SNTG1: variants seen among roughly 807,000 people sequenced by gnomAD.
SNTG1 encodes syntrophin gamma 1.
SNTG1 carries 39 observed loss-of-function variants against 74.7 expected under a neutral mutation model. That is an observed-to-expected ratio of 0.52 (90% CI 0.40 to 0.68). The LOEUF (loss-of-function observed/expected upper bound fraction) is 0.68, where lower values mean the gene tolerates loss of function less well. Among genes scored for constraint, SNTG1 ranks in the 30% least tolerant of loss-of-function variants. The pLI, the probability that SNTG1 is intolerant of heterozygous loss-of-function variation, is 0.00. For missense variants in SNTG1, 685 were observed against 609.5 expected, an observed-to-expected ratio of 1.12 and a Z score of -1.30; for synonymous variants, 254 against 217.1, an observed-to-expected ratio of 1.17 and a Z score of -1.49.
chr8:50,713,550 T>C (rs2095467671), intron 17 of SNTG1, among the ~76,000 whole-genome samples: 1 of 152,222 alleles, frequency 6.6e-6, no homozygotes, highest in Admixed American at 6.5e-5. Flanking sequence ...TAATTGCTTT[T>C]GGTGTTTTAG....
intron 2 of SNTG1, among the ~76,000 whole-genome samples, chr8:50,299,426 GA>G (rs953009567): frequency 1.4e-4 from 22 of 152,220 alleles, no homozygotes; most frequent in African/African-American, 5.1e-4. Flanking sequence ...TGTATCATAA[GA>G]GGGGCATTCA....
chr8:50,603,406 T>C (rs958210499), intron 13 of SNTG1, among the ~76,000 whole-genome samples: 12 of 152,324 alleles, frequency 7.9e-5, no homozygotes, highest in African/African-American at 2.6e-4. Flanking sequence ...GAATTCTAAA[T>C]TCCTTCTCTG....
At chr8:50,584,270 G>A (rs576050745) in intron 12 of SNTG1, among the ~76,000 whole-genome samples, 2 of 78,228 alleles carry the variant, frequency 2.6e-5, no homozygotes, top group East Asian at 8.5e-4. Flanking sequence ...TGATCCTTTG[G>A]GTATATACCC....
At chr8:50,185,968 T>C (rs2131743649) in intron 2 of SNTG1, among the ~76,000 whole-genome samples, 1 of 152,236 alleles carries the variant, frequency 6.6e-6, no homozygotes, top group South Asian at 2.1e-4. Context: ...CCTGCATTCA[T>C]TAAGTATTTG....
At chr8:50,040,424 C>T (rs1032498926) in intron 1 of SNTG1, among the ~76,000 whole-genome samples, 2 of 152,002 alleles carry the variant, frequency 1.3e-5, no homozygotes, top group Non-Finnish European at 2.9e-5. Context: ...TTAAGCATTT[C>T]TAGTCATTGT....
intron 8 of SNTG1, among the ~76,000 whole-genome samples, chr8:50,485,172 T>C (rs1489693757): frequency 6.6e-6 from 1 of 152,092 alleles, no homozygotes; most frequent in Non-Finnish European, 1.5e-5. Flanking sequence ...TGTAGAACCT[T>C]GTGGAAAAAC....
At chr8:50,304,746 CTAA>C (rs1192593319) in intron 2 of SNTG1, among the ~76,000 whole-genome samples, 1 of 152,144 alleles carries the variant, frequency 6.6e-6, no homozygotes, top group Non-Finnish European at 1.5e-5. Flanking sequence ...TATACTCTGT[CTAA>C]TATAGCCATC....
intron 17 of SNTG1, among the ~76,000 whole-genome samples, chr8:50,744,864 T>G (rs976023864): frequency 6.6e-6 from 1 of 151,998 alleles, no homozygotes; most frequent in African/African-American, 2.4e-5. Context: ...AAGGATAAAG[T>G]TAGACCCTGG....
At chr8:50,486,806 T>C (rs547099327) in intron 8 of SNTG1, among the ~76,000 whole-genome samples, 1 of 152,000 alleles carries the variant, frequency 6.6e-6, no homozygotes, top group African/African-American at 2.4e-5. Context: ...ATAGCTCTTA[T>C]TATTTTGAAA....
intron 13 of SNTG1, among the ~76,000 whole-genome samples, chr8:50,620,717 G>A (rs1404627449): frequency 6.6e-6 from 1 of 152,166 alleles, no homozygotes; most frequent in Non-Finnish European, 1.5e-5. Flanking sequence ...GTTCCATGTG[G>A]AGGAGACTGG....
chr8:49,962,805 C>T (rs975091107), intron 1 of SNTG1, among the ~76,000 whole-genome samples: 6 of 152,198 alleles, frequency 3.9e-5, no homozygotes, highest in Non-Finnish European at 8.8e-5. Context: ...GCTGGCCAGG[C>T]TGGTCTTGAA....
At chr8:50,660,077 C>T (rs942944333) in intron 15 of SNTG1, among the ~76,000 whole-genome samples, 2 of 151,982 alleles carry the variant, frequency 1.3e-5, no homozygotes, top group Admixed American at 1.3e-4. Context: ...TGAGCTCAGG[C>T]AATCTGCCTA....
intron 8 of SNTG1, chr8:50,491,172 C>T (rs1359170657): frequency 6.6e-6 from 1 of 152,396 alleles, no homozygotes; most frequent in Admixed American, 6.5e-5. Flanking sequence ...TCCCAAGCTC[C>T]CCAGAGTTTA....
At chr8:49,954,232 CTT>C (rs543395842) in intron 1 of SNTG1, among the ~76,000 whole-genome samples, 48 of 152,154 alleles carry the variant, frequency 3.2e-4, no homozygotes, top group African/African-American at 1.1e-3. Context: ...GAAAGTAAAA[CTT>C]AAATGAATGT....
intron 1 of SNTG1, among the ~76,000 whole-genome samples, chr8:50,148,092 G>A (rs1016134737): frequency 4.9e-4 from 74 of 152,152 alleles, no homozygotes; most frequent in African/African-American, 1.5e-3. Flanking sequence ...AAAAATATGC[G>A]TAACATAGCG....
At chr8:50,210,457 A>G (rs1486466150) in intron 2 of SNTG1, among the ~76,000 whole-genome samples, 2 of 152,194 alleles carry the variant, frequency 1.3e-5, no homozygotes, top group Non-Finnish European at 2.9e-5. Flanking sequence ...TGACGGAAAA[A>G]ATGTTAAGGG....
At chr8:50,002,071 C>T (rs1425641375) in intron 1 of SNTG1, among the ~76,000 whole-genome samples, 2 of 152,192 alleles carry the variant, frequency 1.3e-5, no homozygotes, top group African/African-American at 2.4e-5. Flanking sequence ...ACCACCAACA[C>T]TAGACATATT....
At chr8:50,381,003 C>T (rs2092470278) in intron 2 of SNTG1, 1 of 152,122 alleles carries the variant, frequency 6.6e-6, no homozygotes, top group South Asian at 2.1e-4. Context: ...GACAGGCTTC[C>T]TTAGGCTAGA....
At chr8:50,659,467 TAGC>T (rs1344635420) in intron 15 of SNTG1, among the ~76,000 whole-genome samples, 1 of 152,184 alleles carries the variant, frequency 6.6e-6, no homozygotes, top group Non-Finnish European at 1.5e-5. Flanking sequence ...GTTAAAGACT[TAGC>T]AGAGTAGAAA....
Sources: gnomAD v4.1 joint callset for allele counts (sites outside exome capture counted in the v4.1 genomes callset) on GRCh38, gnomAD v4.1.1 for gene constraint, MANE v1.5 for transcripts, NCBI Gene and HGNC (gene_info 2026-07-23, HGNC 2026-07-21) for gene names.